NFATC1: variants seen among roughly 807,000 people sequenced by gnomAD.
NFATC1 encodes nuclear factor of activated T cells 1.
A neutral mutation model predicts 76.0 loss-of-function variants in NFATC1; 22 were observed. The ratio of observed to expected loss-of-function variants is 0.29; its 90% CI spans 0.21 to 0.41. NFATC1 has a LOEUF of 0.41. NFATC1 is among the 10% of genes least tolerant of loss of function. NFATC1 has a pLI of 1.00. For missense variants in NFATC1, 1,357 were observed against 1,337.7 expected (o/e 1.01, Z -0.23); for synonymous variants, 704 against 613.1 (o/e 1.15, Z -2.19).
At chr18:79,504,549 T>A (rs545192687) in intron 9 of NFATC1, among the ~76,000 whole-genome samples, 39 of 152,298 alleles carry the variant, frequency 2.6e-4, no homozygotes, top group African/African-American at 9.1e-4. Flanking sequence ...GCAGCAGATA[T>A]GATAGCAATG....
At position 79,404,443 on chromosome 18, in the gene NFATC1, A is replaced by C. The variant is rs304933; in HGVS notation, c.128-5960A>C. ...AGCGTTTCCCAGGCCTGCTAAGCAC[A>C]TTGCTTCCAACAGCAAGGTCTTGGC... On this transcript the variant is annotated intron_variant, in intron 1 of 9. Coordinates refer to ENST00000427363, the MANE Select transcript of NFATC1 (RefSeq NM_001278669.2). Among the ~76,000 whole-genome samples, 3 of 152,094 alleles carry C rather than the reference A, an allele frequency of 2.0e-5. No individual in the cohort carries two copies. In the South Asian group the frequency reaches 6.2e-4, roughly 31 times the overall value.
chr18:79,491,931 C>T (rs1048380265), intron 9 of NFATC1, among the ~76,000 whole-genome samples: 27 of 152,206 alleles, frequency 1.8e-4, no homozygotes, highest in African/African-American at 6.3e-4. Context: ...CAAGGTCTTG[C>T]TGCTTCACAT....
chr18:79,401,324 G>A (rs117777118), intron 1 of NFATC1, among the ~76,000 whole-genome samples: 4,401 of 152,176 alleles, frequency 0.029, 81 homozygotes, highest in Non-Finnish European at 0.044. Context: ...CTGTAATGAG[G>A]GTCATATTTT....
intron 8 of NFATC1, among the ~76,000 whole-genome samples, chr18:79,476,877 A>T (rs73496361): frequency 0.058 from 8,794 of 152,250 alleles, 639 homozygotes; most frequent in East Asian, 0.29. Context: ...GTGACTCCGG[A>T]AGATCATGCC....
At chr18:79,477,982 G>A (rs1208123347) in intron 8 of NFATC1, among the ~76,000 whole-genome samples, 4 of 152,282 alleles carry the variant, frequency 2.6e-5, no homozygotes, top group South Asian at 4.1e-4. Flanking sequence ...GCGGACGGGG[G>A]TTAGGGCTTC....
Position 79,448,888 on chromosome 18 carries a change from C to G in NFATC1, c.1493C>G (p.Thr498Arg), listed in dbSNP as rs2087333467. The part of the protein sequence containing the change: ...PHAFYQVHRI[T>R]GKTVSTTSHE... ...GCCTTCTACCAGGTGCACCGCATCA[C>G]AGGGAAGACCGTGTCCACCACCAGC... Residue 498 changes from threonine (T) to arginine (R), a missense_variant, in exon 4 of 10, where the codon ACA becomes AGA. Around this residue, in one of 3 missense-constraint regions of NFATC1, gnomAD observed 242 missense variants for 329.2 expected, o/e 0.74. Coordinates refer to ENST00000427363, the MANE Select transcript of NFATC1 (RefSeq NM_001278669.2). 3 of 1,613,646 alleles carry G rather than the reference C, an allele frequency of 1.9e-6. No individual in the cohort carries two copies. The highest frequency in any genetic ancestry group is 3.3e-5 in the Admixed American group (2 of 60,014).
At chr18:79,493,291 G>C (rs368422018) in intron 9 of NFATC1, 1 of 152,290 alleles carries the variant, frequency 6.6e-6, no homozygotes, top group South Asian at 2.1e-4. Flanking sequence ...CGCGCGCTGA[G>C]AGCGTTTGTG....
At chr18:79,511,489 G>A (rs2090252213) in intron 9 of NFATC1, among the ~76,000 whole-genome samples, 1 of 152,240 alleles carries the variant, frequency 6.6e-6, no homozygotes, top group South Asian at 2.1e-4. Flanking sequence ...TAAGCCAGGG[G>A]AGGGCGGCAC....
intron 8 of NFATC1, among the ~76,000 whole-genome samples, chr18:79,478,934 TCTGCACGCCGCTGACCA>T (rs1336325354): frequency 6.6e-6 from 1 of 152,166 alleles, no homozygotes; most frequent in African/African-American, 2.4e-5. Flanking sequence ...ACCTGTCAGC[TCTGCACGCCGCTGACCA>T]CTGCGCGCCG....
intron 8 of NFATC1, among the ~76,000 whole-genome samples, chr18:79,482,359 C>A (rs1326232303): frequency 4.7e-4 from 50 of 106,418 alleles, no homozygotes; most frequent in African/African-American, 1.5e-3. Context: ...CCTGGGGTGT[C>A]ATTCCAGTGT....
rs3085264 is a variant in NFATC1 at position 79,499,352 on chromosome 18, TCA to T, written c.2782+12426_2782+12427del. On this transcript the variant is annotated intron_variant, in intron 9 of 9. Transcript: ENST00000427363. ...GAAAATATATATGTGTGTGAGTGTG[TCA>T]CACACACACATAAAATGTCAAAAAA... Among the ~76,000 whole-genome samples, 60 of 151,810 alleles carry T rather than the reference TCA, an allele frequency of 4.0e-4. 1 individual carries two copies. Among genetic ancestry groups the T allele is most frequent in the Non-Finnish European group, 6.8e-4 (46 of 67,866 alleles).
At chr18:79,490,095 C>T (rs969144402) in intron 9 of NFATC1, among the ~76,000 whole-genome samples, 70 of 152,302 alleles carry the variant, frequency 4.6e-4, no homozygotes, top group African/African-American at 1.7e-3. Flanking sequence ...ATCTCCCCCC[C>T]GCCCCCGCCC....
chr18:79,439,830 G>A (rs1036066258), intron 3 of NFATC1, among the ~76,000 whole-genome samples: 4 of 152,210 alleles, frequency 2.6e-5, no homozygotes, highest in Non-Finnish European at 5.9e-5. Flanking sequence ...ACAGATGCTC[G>A]GTGCTGCTGG....
At chr18:79,499,793 TAGGC>T (rs1337576870) in intron 9 of NFATC1, among the ~76,000 whole-genome samples, 1 of 152,112 alleles carries the variant, frequency 6.6e-6, no homozygotes, top group Non-Finnish European at 1.5e-5. Context: ...ATGAAAAAGA[TAGGC>T]AGAGTTAATG....
chr18:79,527,673 C>A lies in NFATC1; in HGVS notation c.*96C>A. 1.8e-6 allele frequency: 2 copies of A among 1,088,722 alleles called. No homozygotes were observed. Among genetic ancestry groups the A allele is most frequent in the Non-Finnish European group, 1.4e-6 (1 of 713,298 alleles). 67.4% of individuals were successfully genotyped at this position (1,088,722 alleles called of 1,614,324 possible). On this transcript the variant is annotated 3_prime_UTR_variant, in exon 10 of 10. Coordinates refer to ENST00000427363, the MANE Select transcript of NFATC1 (RefSeq NM_001278669.2). ...AACTGAACTCACACCTGGTACCACT[C>A]AGAACCTCCAACTGACTGAATGCCA...
At chr18:79,455,634 G>GC (rs1435089022) in intron 6 of NFATC1, among the ~76,000 whole-genome samples, 1 of 152,006 alleles carries the variant, frequency 6.6e-6, no homozygotes, top group Non-Finnish European at 1.5e-5. Context: ...AGTAGACAGA[G>GC]CCCCTCCCGG....
Position 79,410,649 on chromosome 18 carries a change from G to A in NFATC1, c.374G>A (p.Cys125Tyr), listed in dbSNP as rs755006401. The A allele has an allele frequency of 6.2e-7, 1 of 1,613,082 alleles. No homozygotes were observed. The highest frequency in any genetic ancestry group is 1.3e-5 in the African/African-American group (1 of 74,922). The stretch of plus-strand genomic sequence containing the variant: ...AGTCCTCGCATCGAGATAACCTCGT[G>A]CTTGGGCCTGTACCACAACAATAAC... ...LESPRIEITS[C>Y]LGLYHNNNQF... Residue 125 changes from cysteine to tyrosine, a missense_variant, in exon 2 of 10, where the codon TGC becomes TAC. Physicochemically the swap from Cys to Tyr is radical, Grantham distance 194 (BLOSUM62 -2). This residue lies in a region of NFATC1 where 691 missense variants were observed against 613.1 expected (regional missense o/e 1.13). Coordinates refer to ENST00000427363, the MANE Select transcript of NFATC1 (RefSeq NM_001278669.2). This position sits in a 1 kb window ranked among gnomAD's most constrained non-coding sequence, Gnocchi z 6.7.
intron 2 of NFATC1, among the ~76,000 whole-genome samples, chr18:79,419,491 GGGCC>G (rs2085995081): frequency 1.4e-5 from 2 of 143,534 alleles, no homozygotes; most frequent in African/African-American, 5.2e-5. Context: ...CCCCCTAGGA[GGGCC>G]GGCACCTGCC....
intron 2 of NFATC1, among the ~76,000 whole-genome samples, chr18:79,423,874 C>G (rs528175185): frequency 1.3e-5 from 2 of 152,312 alleles, no homozygotes; most frequent in African/African-American, 2.4e-5. Flanking sequence ...CAGAGTCAGG[C>G]GGCCTTGGCT....
Sources: gnomAD v4.1 joint callset for allele counts (sites outside exome capture counted in the v4.1 genomes callset) on GRCh38, gnomAD v4.1.1 for gene constraint, gnomAD v4.1.1 regional missense constraint, Gnocchi (gnomAD v3.1) non-coding constraint, MANE v1.5 for transcripts, NCBI Gene and HGNC (gene_info 2026-07-23, HGNC 2026-07-21) for gene names.